CREB5: variants seen among roughly 807,000 people sequenced by gnomAD.
The protein encoded by CREB5 is cAMP responsive element binding protein 5, also known as cyclic AMP-responsive element-binding protein 5.
In CREB5, 19 loss-of-function variants were observed where a neutral mutation model predicts 57.1. The ratio of observed to expected loss-of-function variants is 0.33; its 90% CI spans 0.23 to 0.49. The LOEUF (loss-of-function observed/expected upper bound fraction) is 0.49. Among genes scored for constraint, CREB5 ranks in the 20% least tolerant of loss-of-function variants. CREB5 has a pLI of 0.99. For missense variants in CREB5, 579 were observed against 671.6 expected, an observed-to-expected ratio of 0.86 and a Z score of 1.52; for synonymous variants, 238 against 238.3, an observed-to-expected ratio of 1.00 and a Z score of 0.01.
At chr7:28,706,743 T>C (rs964781289) in intron 5 of CREB5, among the ~76,000 whole-genome samples, 1 of 152,198 alleles carries the variant, frequency 6.6e-6, no homozygotes, top group African/African-American at 2.4e-5. Flanking sequence ...TCAGGGAAGG[T>C]TGCACAAGAG....
chr7:28,748,911 C>G (rs1296833626), intron 7 of CREB5, among the ~76,000 whole-genome samples: 2 of 152,194 alleles, frequency 1.3e-5, no homozygotes, highest in African/African-American at 2.4e-5. Flanking sequence ...GTCGTAGCTG[C>G]TTTTGTGCAG....
intron 7 of CREB5, among the ~76,000 whole-genome samples, chr7:28,783,376 C>T (rs1287525086): frequency 6.6e-6 from 1 of 152,054 alleles, no homozygotes; most frequent in Non-Finnish European, 1.5e-5. Flanking sequence ...TCCACAATGT[C>T]ACTTATTCTA....
At chr7:28,469,126 T>C (rs1255600517) in intron 1 of CREB5, among the ~76,000 whole-genome samples, 2 of 152,036 alleles carry the variant, frequency 1.3e-5, no homozygotes, top group African/African-American at 2.4e-5. Flanking sequence ...GAGGCTGAGG[T>C]GGGAGGATCA....
At position 28,818,161 on chromosome 7, in the gene CREB5, G is replaced by A; in HGVS notation, c.1345G>A (p.Glu449Lys). The change falls in exon 10 of 11, where the codon GAA (glutamate) becomes AAA (lysine). Residue 449 changes from glutamate to lysine, a missense_variant. Physicochemically the swap from Glu to Lys is moderately conservative, Grantham distance 56. Transcript: ENST00000357727. Reference protein sequence around the residue: ...KDCPITAMQKESQGYLSPESS... With the variant: ...KDCPITAMQKKSQGYLSPESS... ...CTGCCCAATAACAGCCATGCAGAAA[G>A]AATCACAAGGATATCTAAGTAAGTC... 1.9e-6 allele frequency: 3 copies of A among 1,612,052 alleles called. No individual in the cohort carries two copies. Among genetic ancestry groups the A allele is most frequent in the Non-Finnish European group, 1.7e-6 (2 of 1,179,068 alleles).
chr7:28,483,707 T>G (rs757198981), intron 1 of CREB5, among the ~76,000 whole-genome samples: 10 of 152,232 alleles, frequency 6.6e-5, no homozygotes, highest in Non-Finnish European at 1.0e-4. Context: ...TAGACTGGAC[T>G]TTAATGATGC....
rs1017628006 is a variant in CREB5 at position 28,824,105 on chromosome 7, T to C, written c.*4826T>C. 1.3e-5 allele frequency: 2 copies of C among 150,350 alleles called. No individual in the cohort carries two copies. The highest frequency in any genetic ancestry group is 5.0e-5 in the African/African-American group (2 of 40,312). 9.3% of individuals were successfully genotyped at this position (150,350 alleles called of 1,614,324 possible). ...ATCATTTAAAATACTTTACAGATAT[T>C]TGCACCAGGTACATTTATGTGCGTC... On this transcript the variant is annotated 3_prime_UTR_variant, in exon 11 of 11. Transcript: ENST00000357727.
At chr7:28,607,357 T>C (rs1391957160) in intron 5 of CREB5, among the ~76,000 whole-genome samples, 1 of 152,060 alleles carries the variant, frequency 6.6e-6, no homozygotes, top group African/African-American at 2.4e-5. Context: ...GCACAGAGTA[T>C]CCCTTGAGTG....
intron 7 of CREB5, among the ~76,000 whole-genome samples, chr7:28,733,355 A>G (rs1583633980): frequency 1.3e-5 from 2 of 152,230 alleles, no homozygotes; most frequent in Admixed American, 1.3e-4. Flanking sequence ...CCTGAGCCTC[A>G]GTTTGGTCCA....
At chr7:28,497,048 C>A (rs1262108931) in intron 3 of CREB5, among the ~76,000 whole-genome samples, 1 of 152,176 alleles carries the variant, frequency 6.6e-6, no homozygotes, top group Non-Finnish European at 1.5e-5. Flanking sequence ...TATTTAAATT[C>A]AAAAGTTCTC....
chr7:28,621,914 T>C (rs1232128145), intron 5 of CREB5, among the ~76,000 whole-genome samples: 4 of 152,180 alleles, frequency 2.6e-5, no homozygotes, highest in Non-Finnish European at 5.9e-5. Context: ...TAAACTATGT[T>C]GATGGAAAAG....
intron 5 of CREB5, among the ~76,000 whole-genome samples, chr7:28,578,969 A>G (rs2128655107): frequency 1.3e-5 from 2 of 152,342 alleles, no homozygotes; most frequent in South Asian, 4.1e-4. Context: ...CCTTGATATT[A>G]AGATTCTGGT....
At chr7:28,367,881 C>G (rs980124376) in intron 1 of CREB5, among the ~76,000 whole-genome samples, 1 of 152,072 alleles carries the variant, frequency 6.6e-6, no homozygotes, top group Middle Eastern at 3.2e-3. Context: ...CTGGATCCAT[C>G]CACTTCTCTT....
chr7:28,381,548 A>G (rs1333880619), intron 1 of CREB5, among the ~76,000 whole-genome samples: 1 of 152,224 alleles, frequency 6.6e-6, no homozygotes, highest in Non-Finnish European at 1.5e-5. Context: ...TTGTTTTCAA[A>G]TGCAAGTTAT....
At chr7:28,416,002 AC>A (rs1788009359) in intron 1 of CREB5, among the ~76,000 whole-genome samples, 1 of 152,176 alleles carries the variant, frequency 6.6e-6, no homozygotes, top group African/African-American at 2.4e-5. Context: ...ACCAATCATA[AC>A]CAAAAAAATT....
intron 7 of CREB5, among the ~76,000 whole-genome samples, chr7:28,728,416 C>T (rs910924882): frequency 6.6e-6 from 1 of 152,164 alleles, no homozygotes; most frequent in East Asian, 1.9e-4. Flanking sequence ...TGTCAGTAAC[C>T]AGCAGATTAA....
intron 1 of CREB5, among the ~76,000 whole-genome samples, chr7:28,354,456 G>T (rs1786300021): frequency 6.6e-6 from 1 of 152,110 alleles, no homozygotes; most frequent in Non-Finnish European, 1.5e-5. Context: ...TTTCAGTTTT[G>T]GGACTCAAAC....
intron 5 of CREB5, among the ~76,000 whole-genome samples, chr7:28,579,302 C>T (rs556748900): frequency 1.1e-4 from 17 of 152,314 alleles, no homozygotes; most frequent in Middle Eastern, 3.4e-3. Flanking sequence ...TTCTACAAAA[C>T]GCATTCATTC....
intron 5 of CREB5, chr7:28,615,852 C>A (rs1033400361): frequency 2.6e-5 from 4 of 152,266 alleles, no homozygotes; most frequent in Admixed American, 6.5e-5. Flanking sequence ...AAAGCCTCCA[C>A]AGAGCTGCCA....
intron 7 of CREB5, among the ~76,000 whole-genome samples, chr7:28,757,314 C>A (rs1805380968): frequency 6.6e-6 from 1 of 152,162 alleles, no homozygotes; most frequent in Non-Finnish European, 1.5e-5. Flanking sequence ...TCCTAGAGTT[C>A]ATGCCTTTAA....
Sources: gnomAD v4.1 joint callset for allele counts (sites outside exome capture counted in the v4.1 genomes callset) on GRCh38, gnomAD v4.1.1 for gene constraint, MANE v1.5 for transcripts, NCBI Gene and HGNC (gene_info 2026-07-23, HGNC 2026-07-21) for gene names.